The following RNF150 variants were observed in gnomAD, a reference collection of about 807,000 sequenced individuals.
RNF150 encodes the protein ring finger protein 150.
Under a neutral mutation model 39.3 loss-of-function variants are expected in RNF150, and 24 were observed. The ratio of observed to expected loss-of-function variants is 0.61; its 90% CI spans 0.44 to 0.86. RNF150 has a LOEUF of 0.86. Ranked by LOEUF, RNF150 falls within the 40% of genes least tolerant of loss-of-function variation. RNF150 has a pLI of 0.00. For missense variants in RNF150, 502 were observed against 587.8 expected (o/e 0.85, Z 1.51); for synonymous variants, 255 against 227.3 (o/e 1.12, Z -1.10).
At chr4:141,203,443 C>T (rs1429758173) in intron 1 of RNF150, among the ~76,000 whole-genome samples, 1 of 150,856 alleles carries the variant, frequency 6.6e-6, no homozygotes, top group African/African-American at 2.4e-5. Flanking sequence ...GGCAAAAATA[C>T]TCGATTATAA....
At chr4:140,967,269 T>A (rs917223134) in intron 2 of RNF150, among the ~76,000 whole-genome samples, 16 of 152,126 alleles carry the variant, frequency 1.1e-4, no homozygotes, top group Non-Finnish European at 2.1e-4. Flanking sequence ...TAGCTTTTGG[T>A]TTTTATCTCC....
chr4:140,940,807 T>C (rs1732051251), intron 4 of RNF150, among the ~76,000 whole-genome samples: 1 of 152,218 alleles, frequency 6.6e-6, no homozygotes, highest in South Asian at 2.1e-4. Flanking sequence ...TAAATATAGC[T>C]AGCTGGCAAT....
At chr4:141,083,608 G>A (rs1227853204) in intron 1 of RNF150, among the ~76,000 whole-genome samples, 1 of 152,080 alleles carries the variant, frequency 6.6e-6, no homozygotes, top group Non-Finnish European at 1.5e-5. Context: ...ACCCTGATCA[G>A]TAGGAAACTG....
chr4:140,910,081 T>C (rs2111270083), intron 6 of RNF150, among the ~76,000 whole-genome samples: 1 of 152,322 alleles, frequency 6.6e-6, no homozygotes, highest in East Asian at 1.9e-4. Context: ...GTCTGTTCTT[T>C]CTTTATCTCT....
At chr4:141,048,252 T>C (rs1736654518) in intron 1 of RNF150, among the ~76,000 whole-genome samples, 1 of 152,228 alleles carries the variant, frequency 6.6e-6, no homozygotes, top group East Asian at 1.9e-4. Context: ...AAGTACAGGA[T>C]GATTCGCAGC....
At chr4:140,984,443 A>C (rs917842573) in intron 1 of RNF150, among the ~76,000 whole-genome samples, 1 of 152,116 alleles carries the variant, frequency 6.6e-6, no homozygotes, top group Non-Finnish European at 1.5e-5. Context: ...GGCAGGTAGA[A>C]TTGAATGCAT....
intron 6 of RNF150, among the ~76,000 whole-genome samples, chr4:140,900,066 A>G (rs1292185577): frequency 6.6e-6 from 1 of 151,818 alleles, no homozygotes; most frequent in East Asian, 1.9e-4. Flanking sequence ...TTCTGCCATG[A>G]TGGCAATTTA....
intron 1 of RNF150, among the ~76,000 whole-genome samples, chr4:141,112,677 T>C (rs138653841): frequency 0.016 from 2,475 of 152,252 alleles, 57 homozygotes; most frequent in African/African-American, 0.056. Flanking sequence ...CATTTCAACC[T>C]TGGTAAATCT....
At chr4:141,201,910 T>A (rs1323245051) in intron 1 of RNF150, among the ~76,000 whole-genome samples, 1 of 151,978 alleles carries the variant, frequency 6.6e-6, no homozygotes, top group Non-Finnish European at 1.5e-5. Context: ...GACTTTCAGG[T>A]GATAATTAGG....
chr4:140,937,899 T>C (rs1459891580), intron 4 of RNF150, among the ~76,000 whole-genome samples: 1 of 152,196 alleles, frequency 6.6e-6, no homozygotes, highest in African/African-American at 2.4e-5. Context: ...AGTCAAATCC[T>C]ATGAAAATCT....
At chr4:140,877,150 A>AT (rs1183730213) in intron 6 of RNF150, among the ~76,000 whole-genome samples, 1 of 152,112 alleles carries the variant, frequency 6.6e-6, no homozygotes, top group Non-Finnish European at 1.5e-5. Context: ...CAGGGGAAAG[A>AT]TTTTCTCCAA....
At chr4:140,982,337 T>C (rs541055751) in intron 1 of RNF150, among the ~76,000 whole-genome samples, 1 of 152,112 alleles carries the variant, frequency 6.6e-6, no homozygotes, top group Non-Finnish European at 1.5e-5. Context: ...GTATCTGTAG[T>C]TACTGTGTTC....
intron 1 of RNF150, among the ~76,000 whole-genome samples, chr4:141,153,240 T>A (rs1266245464): frequency 6.6e-6 from 1 of 152,182 alleles, no homozygotes; most frequent in Non-Finnish European, 1.5e-5. Context: ...CATTTATTGA[T>A]TCGTTTATTG....
At chr4:141,172,468 C>T (rs545360408) in intron 1 of RNF150, among the ~76,000 whole-genome samples, 1 of 152,006 alleles carries the variant, frequency 6.6e-6, no homozygotes, top group Admixed American at 6.6e-5. Flanking sequence ...ACTAAGTTAC[C>T]CCCCTTCCCT....
intron 1 of RNF150, among the ~76,000 whole-genome samples, chr4:141,205,753 T>C (rs1249092147): frequency 2.6e-5 from 4 of 152,188 alleles, no homozygotes; most frequent in Non-Finnish European, 5.9e-5. Context: ...TAAGGGGCAA[T>C]CCCAAATTTT....
intron 1 of RNF150, among the ~76,000 whole-genome samples, chr4:140,999,201 TG>T (rs1734487679): frequency 6.6e-6 from 1 of 152,224 alleles, no homozygotes; most frequent in African/African-American, 2.4e-5. Flanking sequence ...TGACAACTCC[TG>T]TTGTTATTAA....
intron 1 of RNF150, among the ~76,000 whole-genome samples, chr4:141,114,193 C>G (rs1739475275): frequency 6.6e-6 from 1 of 151,756 alleles, no homozygotes; most frequent in South Asian, 2.1e-4. Context: ...CATGAAAAAC[C>G]CTTCAAAAAA....
chr4:140,920,098 A>G, intron 5 of RNF150, among the ~76,000 whole-genome samples: 1 of 150,656 alleles, frequency 6.6e-6, no homozygotes, highest in Non-Finnish European at 1.5e-5. Context: ...AAGAAAACCT[A>G]GGCATTACCA....
intron 1 of RNF150, among the ~76,000 whole-genome samples, chr4:140,977,567 GT>G (rs1286430277): frequency 6.6e-6 from 1 of 152,050 alleles, no homozygotes; most frequent in East Asian, 1.9e-4. Flanking sequence ...GCTTAAAGTG[GT>G]TTGGTTTGAA....
Sources: gnomAD v4.1 joint callset for allele counts (sites outside exome capture counted in the v4.1 genomes callset) on GRCh38, gnomAD v4.1.1 for gene constraint, MANE v1.5 for transcripts, NCBI Gene and HGNC (gene_info 2026-07-23, HGNC 2026-07-21) for gene names.